The following CACNA1C variants were observed in gnomAD, a reference collection of about 807,000 sequenced individuals.
The protein encoded by CACNA1C is calcium voltage-gated channel subunit alpha1 C.
A neutral mutation model predicts 229.0 loss-of-function variants in CACNA1C; 30 were observed. The observed-to-expected ratio is 0.13, with a 90% confidence interval of 0.10 to 0.18. The LOEUF (loss-of-function observed/expected upper bound fraction) is 0.18, where lower values mean the gene tolerates loss of function less well. Ranked by LOEUF, CACNA1C falls within the 10% of genes least tolerant of loss-of-function variation. The probability of loss-of-function intolerance (pLI) is 1.00; values close to 1 mark genes in which losing one functional copy is unlikely to be tolerated. For missense variants in CACNA1C, 1,658 were observed against 2,845.0 expected (o/e 0.58, Z 9.49); for synonymous variants, 1,114 against 1,132.5 (o/e 0.98, Z 0.33).
rs1342769716 is a variant in CACNA1C at position 2,550,443 on chromosome 12, TTCTG to T, written c.1481+411_1481+414del. On this transcript the variant is annotated intron_variant, in intron 10 of 46. Transcript: ENST00000399655. The stretch of plus-strand genomic sequence containing the variant: ...TGAGTCCTGCTGGCCACCCTTTCCA[TTCTG>T]ATAAATGTGACCTGGGAGAGAAGCA... 6.6e-5 allele frequency: 68 copies of T among 1,024,704 alleles called. No homozygotes were observed. The Admixed American group carries it at 1.5e-3, about 22-fold the overall frequency. The allele number at this position is 1,024,704 out of a possible 1,614,324, so 63.5% of individuals were successfully genotyped here.
chr12:2,648,145 C>T (rs1376559171), intron 30 of CACNA1C, among the ~76,000 whole-genome samples: 2 of 151,992 alleles, frequency 1.3e-5, no homozygotes, highest in African/African-American at 4.8e-5. Flanking sequence ...TCTCTAAAAC[C>T]AAACCAAACA....
intron 3 of CACNA1C, among the ~76,000 whole-genome samples, chr12:2,355,047 A>G (rs1012368883): frequency 2.0e-5 from 3 of 152,000 alleles, no homozygotes; most frequent in Non-Finnish European, 4.4e-5. Context: ...GTAAGGTTGG[A>G]TATTAAACCT....
At chr12:2,592,271 CACTT>C (rs931801081) in intron 18 of CACNA1C, among the ~76,000 whole-genome samples, 10 of 152,190 alleles carry the variant, frequency 6.6e-5, no homozygotes, top group Admixed American at 1.3e-4. Flanking sequence ...AAGCAGCAAA[CACTT>C]ACTTACAGAG....
At chr12:2,417,237 G>A (rs139109834) in intron 3 of CACNA1C, among the ~76,000 whole-genome samples, 78 of 152,298 alleles carry the variant, frequency 5.1e-4, no homozygotes, top group African/African-American at 1.6e-3. Context: ...CATACTCTGC[G>A]ATGCGGGTTG....
At chr12:2,687,680 C>T (rs1466685269) in intron 45 of CACNA1C, among the ~76,000 whole-genome samples, 1 of 152,110 alleles carries the variant, frequency 6.6e-6, no homozygotes, top group Non-Finnish European at 1.5e-5. Context: ...GCTGGGATTA[C>T]AGGCATGCAC....
intron 3 of CACNA1C, among the ~76,000 whole-genome samples, chr12:2,204,057 C>T (rs1253272316): frequency 6.6e-6 from 1 of 152,216 alleles, no homozygotes; most frequent in Non-Finnish European, 1.5e-5. Context: ...TCTTAGATTA[C>T]AGTCCCACCA....
In CACNA1C at chr12:2,674,943, G is replaced by A. The variant is rs535260100; in HGVS notation, c.4828+301G>A. On this transcript the variant is annotated intron_variant, in intron 39 of 46. Coordinates refer to ENST00000399655, the MANE Select transcript of CACNA1C (RefSeq NM_000719.7). ...TAACAGGCAAGTCCCTGATGCTTAG[G>A]GGTTTGGCAGAACTTCTAAAGAAAC... is the stretch of plus-strand genomic sequence containing the variant. Among the ~76,000 whole-genome samples, 4 of 152,256 alleles carry A rather than the reference G, an allele frequency of 2.6e-5. No homozygotes were observed. The East Asian group carries it at 7.7e-4, about 29-fold the overall frequency.
intron 1 of CACNA1C, among the ~76,000 whole-genome samples, chr12:2,094,593 C>CA (rs2072976857): frequency 6.6e-6 from 1 of 152,202 alleles, no homozygotes; most frequent in South Asian, 2.1e-4. Context: ...ATTTGGTGAA[C>CA]ACCCTCAGTT....
At chr12:2,506,552 C>A (rs921355214) in intron 8 of CACNA1C, among the ~76,000 whole-genome samples, 1 of 152,184 alleles carries the variant, frequency 6.6e-6, no homozygotes, top group Non-Finnish European at 1.5e-5. Context: ...ATGGTGCTAT[C>A]ATTACAATGA....
Position 2,608,579 on chromosome 12 carries a change from T to C in CACNA1C, c.3425T>C (p.Ile1142Thr). Residue 1142 changes from isoleucine to threonine, a missense_variant, in exon 27 of 47, where the codon ATC (isoleucine) becomes ACC (threonine). By Grantham distance (89) the Ile-to-Thr change is moderately conservative. Transcript: ENST00000399655. The surrounding 1 kb of genome is among the most constrained non-coding windows in gnomAD (Gnocchi z 4.2). ...KGPIYNYRVE[I>T]SIFFIIYIII... Reference sequence around the variant, plus strand: ...CCCATCTACAACTACCGTGTGGAGATCTCCATCTTCTTCATCATCTACATC... The same window carrying C: ...CCCATCTACAACTACCGTGTGGAGACCTCCATCTTCTTCATCATCTACATC... 1 of 1,613,950 alleles carries C rather than the reference T, an allele frequency of 6.2e-7. No individual in the cohort carries two copies. Among genetic ancestry groups the C allele is most frequent in the Non-Finnish European group, 8.5e-7 (1 of 1,179,824 alleles).
At chr12:2,382,772 T>C (rs2098280003) in intron 3 of CACNA1C, among the ~76,000 whole-genome samples, 1 of 152,066 alleles carries the variant, frequency 6.6e-6, no homozygotes, top group Non-Finnish European at 1.5e-5. Flanking sequence ...AATAAGAAAA[T>C]AACCCATGAG....
In CACNA1C at chr12:2,651,491, C is replaced by T. The variant is rs1212787372; in HGVS notation, c.3946-149C>T. The T allele has an allele frequency of 8.5e-7, 1 of 1,182,516 alleles. No homozygotes were observed. The highest frequency in any genetic ancestry group is 1.2e-6 in the Non-Finnish European group (1 of 809,864). The allele number at this position is 1,182,516 out of a possible 1,614,324, so 73.3% of individuals were successfully genotyped here. On this transcript the variant is annotated intron_variant, in intron 31 of 46. Coordinates refer to ENST00000399655, the MANE Select transcript of CACNA1C (RefSeq NM_000719.7). This position sits in a 1 kb window ranked among gnomAD's most constrained non-coding sequence, Gnocchi z 5.4. ...GTCCACTCATTAAAGTGGGCGGCCG[C>T]CCTCCCATCGGAGGGGGAAGTCTAG...
intron 3 of CACNA1C, among the ~76,000 whole-genome samples, chr12:2,185,096 C>T (rs79222386): frequency 0.031 from 4,745 of 152,224 alleles, 239 homozygotes; most frequent in African/African-American, 0.11. Context: ...GGCCAAGCAG[C>T]AGGAGTTCAA....
chr12:2,202,734 G>A (rs993284024), intron 3 of CACNA1C, among the ~76,000 whole-genome samples: 4 of 152,210 alleles, frequency 2.6e-5, no homozygotes, highest in African/African-American at 2.4e-5. Flanking sequence ...ATCCTTGGAC[G>A]CTTATTTAAT....
chr12:2,409,707 C>A (rs1360601503), intron 3 of CACNA1C, among the ~76,000 whole-genome samples: 1 of 152,212 alleles, frequency 6.6e-6, no homozygotes, highest in Non-Finnish European at 1.5e-5. Context: ...CAGTCCCCCC[C>A]AAACCCCTTA....
rs116491041 is a variant in CACNA1C, at chr12:2,567,693, C to T, written c.1794C>T (p.Gly598=). ...FNRFDCFVVC[G]GILETILVET... Reference sequence around the variant, plus strand: ...GCTTTGACTGCTTCGTCGTGTGTGGCGGCATCCTGGAGACCATCCTGGTGG... The same window carrying T: ...GCTTTGACTGCTTCGTCGTGTGTGGTGGCATCCTGGAGACCATCCTGGTGG... Residue 598 remains glycine (G), a synonymous_variant, in exon 13 of 47, where the codon GGC becomes GGT. Coordinates refer to ENST00000399655, the MANE Select transcript of CACNA1C (RefSeq NM_000719.7). The T allele has an allele frequency of 3.4e-4, 541 of 1,613,462 alleles. 3 individuals carry two copies. The African/African-American group carries it at 6.3e-3, about 19-fold the overall frequency.
intron 3 of CACNA1C, among the ~76,000 whole-genome samples, chr12:2,392,820 C>T (rs972571338): frequency 1.3e-5 from 2 of 152,052 alleles, no homozygotes; most frequent in Non-Finnish European, 2.9e-5. Flanking sequence ...CAGGGCTGGC[C>T]CCATCGCACA....
At chr12:2,556,766 G>A (rs1162457584) in intron 10 of CACNA1C, among the ~76,000 whole-genome samples, 185 bp from the exon 11 acceptor site, 1 of 152,184 alleles carries the variant, frequency 6.6e-6, no homozygotes, top group Non-Finnish European at 1.5e-5. Flanking sequence ...CCAGACCTCA[G>A]TCTCCACATT....
intron 9 of CACNA1C, among the ~76,000 whole-genome samples, chr12:2,549,163 A>C (rs915565565): frequency 4.6e-5 from 7 of 152,136 alleles, no homozygotes; most frequent in African/African-American, 7.2e-5. Flanking sequence ...CCTTGGGAGG[A>C]GGCTGGACAA....
Sources: gnomAD v4.1 joint callset for allele counts (sites outside exome capture counted in the v4.1 genomes callset) on GRCh38, gnomAD v4.1.1 for gene constraint, Gnocchi (gnomAD v3.1) non-coding constraint, MANE v1.5 for transcripts, NCBI Gene and HGNC (gene_info 2026-07-23, HGNC 2026-07-21) for gene names.